The following HS3ST1 variants were observed in gnomAD, a reference collection of about 807,000 sequenced individuals.
HS3ST1 encodes heparan sulfate glucosamine 3-O-sulfotransferase 1.
Under a neutral mutation model 20.7 loss-of-function variants are expected in HS3ST1, and 8 were observed. The observed-to-expected ratio is 0.39, with a 90% CI of 0.23 to 0.70. HS3ST1 has a LOEUF of 0.70. HS3ST1 is among the 30% of genes least tolerant of loss of function. The pLI is 0.46. For synonymous variants in HS3ST1, 205 were observed against 190.4 expected (o/e 1.08, Z -0.63); for missense variants, 436 against 423.4 (o/e 1.03, Z -0.26).
rs373330629 is a variant in HS3ST1, at chr4:11,399,814, C to T, written c.192G>A (p.Lys64=). The T allele has an allele frequency of 9.9e-6, 16 of 1,613,044 alleles. No homozygotes were observed. The highest frequency in any genetic ancestry group is 1.4e-5 in the Non-Finnish European group (16 of 1,179,796). ...TCTCCAGCAGTGCGCGCGTGCCGCC[C>T]TTGCGCACGCCGATGATGATGGTCT... is the stretch of plus-strand genomic sequence containing the variant. The part of the protein sequence containing the change: ...LPQTIIIGVR[K]GGTRALLEML... Residue 64 remains lysine (K), a synonymous_variant, in exon 2 of 2, where the codon AAG becomes AAA. Transcript: ENST00000002596. The surrounding 1 kb of genome is among the most constrained non-coding windows in gnomAD (Gnocchi z 5.1).
At chr4:11,426,293 C>T (rs1222676910) in intron 1 of HS3ST1, among the ~76,000 whole-genome samples, 2 of 152,114 alleles carry the variant, frequency 1.3e-5, no homozygotes, top group African/African-American at 4.8e-5. Context: ...ATCTTTCTAG[C>T]CCCTTCCTAG....
Position 11,397,095 on chromosome 4 carries a change from C to G in HS3ST1, c.*1987G>C, listed in dbSNP as rs1393297359. On this transcript the variant is annotated 3_prime_UTR_variant, in exon 2 of 2. Coordinates refer to ENST00000002596, the MANE Select transcript of HS3ST1 (RefSeq NM_005114.4). Reference sequence around the variant, plus strand: ...AAACTTGACTTAACCTTGCTGGGCCCTCTTATTTCTTCAGCTCTTCAAGGA... The same window carrying G: ...AAACTTGACTTAACCTTGCTGGGCCGTCTTATTTCTTCAGCTCTTCAAGGA... 3 of 152,244 alleles carry G rather than the reference C, an allele frequency of 2.0e-5. No individual in the cohort carries two copies. The highest frequency in any genetic ancestry group is 4.4e-5 in the Non-Finnish European group (3 of 68,080). The allele number at this position is 152,244 out of a possible 1,614,324, so 9.4% of individuals were successfully genotyped here. A position where few individuals can be genotyped will look rare whatever the true frequency, so the allele number is the denominator to read the frequency against.
At chr4:11,409,877 G>A (rs1398109783) in intron 1 of HS3ST1, among the ~76,000 whole-genome samples, 1 of 152,158 alleles carries the variant, frequency 6.6e-6, no homozygotes, top group Non-Finnish European at 1.5e-5. Flanking sequence ...GTGTAGTTTG[G>A]CTAAAGAAGC....
chr4:11,402,052 C>T (rs930399897), intron 1 of HS3ST1, among the ~76,000 whole-genome samples: 7 of 152,190 alleles, frequency 4.6e-5, no homozygotes, highest in African/African-American at 1.4e-4. Context: ...AAAATATTCT[C>T]CATCAAGAGG....
chr4:11,408,928 T>G (rs767313665), intron 1 of HS3ST1, among the ~76,000 whole-genome samples: 4 of 152,230 alleles, frequency 2.6e-5, no homozygotes, highest in Non-Finnish European at 4.4e-5. Context: ...GACAGTCATC[T>G]GTCACCCTGC....
intron 1 of HS3ST1, among the ~76,000 whole-genome samples, chr4:11,410,871 A>C (rs371408014): frequency 6.6e-6 from 1 of 150,974 alleles, no homozygotes; most frequent in African/African-American, 2.4e-5. Flanking sequence ...CAGCCTGGGC[A>C]ACAGAGCGAG....
chr4:11,410,371 C>A (rs1230941010), intron 1 of HS3ST1, among the ~76,000 whole-genome samples: 1 of 152,200 alleles, frequency 6.6e-6, no homozygotes, highest in Non-Finnish European at 1.5e-5. Flanking sequence ...CAGCAAAGAT[C>A]ATGTTCGAAC....
intron 1 of HS3ST1, among the ~76,000 whole-genome samples, chr4:11,416,198 T>C (rs559904267): frequency 2.6e-4 from 39 of 152,326 alleles, no homozygotes; most frequent in African/African-American, 9.4e-4. Context: ...TGAAAAGATC[T>C]GCCTCCCCTC....
intron 1 of HS3ST1, among the ~76,000 whole-genome samples, chr4:11,406,813 A>T (rs1340077070): frequency 6.6e-6 from 1 of 152,086 alleles, no homozygotes; most frequent in Non-Finnish European, 1.5e-5. Flanking sequence ...ATTTTCTGGA[A>T]CGTACTGAAA....
intron 1 of HS3ST1, among the ~76,000 whole-genome samples, chr4:11,407,300 T>C (rs954243756): frequency 3.3e-5 from 5 of 152,168 alleles, no homozygotes; most frequent in African/African-American, 1.2e-4. Flanking sequence ...GTTACAGTAA[T>C]TGGCCCCACT....
rs149248520 is a variant in HS3ST1 at position 11,399,234 on chromosome 4, G to A, written c.772C>T (p.Arg258Trp). The A allele has an allele frequency of 4.0e-5, 64 of 1,614,036 alleles. No individual in the cohort carries two copies. The highest frequency in any genetic ancestry group is 4.9e-5 in the Non-Finnish European group (58 of 1,180,042). Reference sequence around the variant, plus strand: ...AAGCAGCGGTCCCGGCCGCTGTCCCGCAGGCAGTAAAAGCCCTTGGTTTTG... The same window carrying A: ...AAGCAGCGGTCCCGGCCGCTGTCCCACAGGCAGTAAAAGCCCTTGGTTTTG... ...FNKTKGFYCLRDSGRDRCLHE... is the reference protein window; with the variant it reads ...FNKTKGFYCLWDSGRDRCLHE... The change falls in exon 2 of 2, where the codon CGG becomes TGG. Residue 258 changes from arginine to tryptophan, a missense_variant. Transcript: ENST00000002596. The surrounding 1 kb of genome is among the most constrained non-coding windows in gnomAD (Gnocchi z 5.1).
At chr4:11,401,117 A>G (rs773385449) in intron 1 of HS3ST1, among the ~76,000 whole-genome samples, 4 of 152,224 alleles carry the variant, frequency 2.6e-5, no homozygotes, top group Admixed American at 6.5e-5. Flanking sequence ...GTAGGGTACT[A>G]TGAAGACACA....
At chr4:11,432,301 C>T (rs1367863194), upstream of HS3ST1, among the ~76,000 whole-genome samples, 2 of 152,156 alleles carry the variant, frequency 1.3e-5, no homozygotes, top group Non-Finnish European at 2.9e-5. Context: ...TTCTTCCCAT[C>T]ATGGCTGTTT....
At chr4:11,418,617 G>T (rs1375394407) in intron 1 of HS3ST1, among the ~76,000 whole-genome samples, 3 of 152,142 alleles carry the variant, frequency 2.0e-5, no homozygotes, top group Non-Finnish European at 2.9e-5. Context: ...AGAATGACTG[G>T]TAACAATGTA....
chr4:11,432,006 TTTCA>T (rs1253977035), upstream of HS3ST1, among the ~76,000 whole-genome samples: 5 of 152,198 alleles, frequency 3.3e-5, no homozygotes, highest in African/African-American at 1.2e-4. Flanking sequence ...AATTGAGGGA[TTTCA>T]TTAGAGCACT....
chr4:11,423,964 G>T (rs1718997494), intron 1 of HS3ST1, among the ~76,000 whole-genome samples: 1 of 147,350 alleles, frequency 6.8e-6, no homozygotes, highest in African/African-American at 2.5e-5. Flanking sequence ...TGTTATTTAG[G>T]AATATCGAAT....
chr4:11,430,356 A>T (rs1305942971), upstream of HS3ST1, among the ~76,000 whole-genome samples: 3 of 152,246 alleles, frequency 2.0e-5, no homozygotes, highest in Non-Finnish European at 4.4e-5. Flanking sequence ...AAGCCTTAGC[A>T]TTTAAACTAA....
chr4:11,404,574 G>A (rs926986112), intron 1 of HS3ST1, among the ~76,000 whole-genome samples: 6 of 152,162 alleles, frequency 3.9e-5, no homozygotes, highest in African/African-American at 7.2e-5. Flanking sequence ...GATTCTCTAC[G>A]CACTCACAGA....
intron 1 of HS3ST1, among the ~76,000 whole-genome samples, chr4:11,421,984 G>A (rs1718950875): frequency 1.3e-5 from 2 of 152,252 alleles, no homozygotes; most frequent in Admixed American, 1.3e-4. Context: ...AGATAAAGGA[G>A]GCAGTGGGTA....
Sources: gnomAD v4.1 joint callset for allele counts (sites outside exome capture counted in the v4.1 genomes callset) on GRCh38, gnomAD v4.1.1 for gene constraint, Gnocchi (gnomAD v3.1) non-coding constraint, MANE v1.5 for transcripts, NCBI Gene and HGNC (gene_info 2026-07-23, HGNC 2026-07-21) for gene names.